ATG7: variants seen among roughly 807,000 people sequenced by gnomAD.
ATG7 encodes the protein autophagy related 7, also known as ubiquitin-like modifier-activating enzyme ATG7.
In ATG7, 70 loss-of-function variants were observed where a neutral mutation model predicts 82.4. That is an observed-to-expected ratio of 0.85 (90% confidence interval 0.70 to 1.04). ATG7 has a LOEUF of 1.04. ATG7 is among the 50% of genes least tolerant of loss of function. The probability of loss-of-function intolerance (pLI) is 0.00; values close to 1 mark genes in which losing one functional copy is unlikely to be tolerated. For missense variants in ATG7, 792 were observed against 864.3 expected (o/e 0.92, Z 1.05); for synonymous variants, 287 against 313.0 (o/e 0.92, Z 0.88).
At chr3:11,513,237 G>A (rs1231846203) in intron 20 of ATG7, among the ~76,000 whole-genome samples, 5 of 152,264 alleles carry the variant, frequency 3.3e-5, no homozygotes, top group African/African-American at 7.2e-5. Context: ...GTCCTGCGCC[G>A]TGCGTCTGCA....
At chr3:11,398,209 CATATAGAATACTGCACCTAACTGAA>C (rs1272373665) in intron 19 of ATG7, among the ~76,000 whole-genome samples, 1 of 151,998 alleles carries the variant, frequency 6.6e-6, no homozygotes, top group Non-Finnish European at 1.5e-5. Flanking sequence ...CTAGTGAATA[CATATAGAATACTGCACCTAACTGAA>C]ATATAGAATA....
At chr3:11,428,945 C>G (rs1448209728) in intron 20 of ATG7, among the ~76,000 whole-genome samples, 5 of 152,084 alleles carry the variant, frequency 3.3e-5, no homozygotes, top group Non-Finnish European at 5.9e-5. Context: ...TTTTCAAAGA[C>G]TTAGAGAAAG....
rs985232491 is a variant in ATG7, at chr3:11,308,894, C to A, written c.334-90C>A. On this transcript the variant is annotated intron_variant, in intron 6 of 20. Coordinates refer to ENST00000693202, the MANE Select transcript of ATG7 (RefSeq NM_001349232.2). ...GTGCTGGGCCTGTAGGAAAGAAGAG[C>A]CTGGTGCTTTTCAGCTCCACACTTC... The A allele has an allele frequency of 5.9e-6, 7 of 1,193,302 alleles. No individual in the cohort carries two copies. The South Asian group carries it at 7.3e-5, about 12-fold the overall frequency. 73.9% of individuals were successfully genotyped at this position (1,193,302 alleles called of 1,614,324 possible).
chr3:11,545,480 C>T (rs945126960), intron 20 of ATG7, among the ~76,000 whole-genome samples: 3 of 152,056 alleles, frequency 2.0e-5, no homozygotes, highest in Admixed American at 6.5e-5. Context: ...AGAGTCTCCA[C>T]GGCCTGCAGC....
intron 20 of ATG7, among the ~76,000 whole-genome samples, chr3:11,530,388 A>G (rs1359582688): frequency 6.6e-6 from 1 of 152,184 alleles, no homozygotes; most frequent in East Asian, 1.9e-4. Context: ...TTAAACAGCC[A>G]GAATGACCTG....
downstream of ATG7, among the ~76,000 whole-genome samples, chr3:11,561,164 G>A (rs2072960868): frequency 2.0e-5 from 3 of 152,126 alleles, no homozygotes; most frequent in South Asian, 6.2e-4. Context: ...TCCCTTTTGT[G>A]CTCAGCCGGC....
In ATG7 at chr3:11,308,986, A is replaced by G. The variant is rs1329214736; in HGVS notation, c.336A>G (p.Ile112Met). The change falls in exon 7 of 21, where the codon ATA becomes ATG. Residue 112 changes from isoleucine (I) to methionine (M), a missense_variant and splice_region_variant. Coordinates refer to ENST00000693202, the MANE Select transcript of ATG7 (RefSeq NM_001349232.2). ...TGATGCTTTTCTTCTTCTTGCAGATATGGGAATCCATAAAATCAGGCACTG... is the reference window on the plus strand; with the variant it reads ...TGATGCTTTTCTTCTTCTTGCAGATGTGGGAATCCATAAAATCAGGCACTG... ...KLLLEQAANE[I>M]WESIKSGTAL... 7 of 1,613,198 alleles carry G rather than the reference A, an allele frequency of 4.3e-6. No homozygotes were observed. Among genetic ancestry groups the G allele is most frequent in the South Asian group, 1.1e-5 (1 of 91,068 alleles).
rs1260264152 is a variant in ATG7 at position 11,435,144 on chromosome 3, C to CT, written c.2079+8223dup. ...GTTTAAAAATATATCAAAGTACTTA[C>CT]TTTTTATACATTTTATAAATATTCT... On this transcript the variant is annotated intron_variant, in intron 20 of 20. Transcript: ENST00000693202. Among the ~76,000 whole-genome samples, 3 of 152,250 alleles carry CT rather than the reference C, an allele frequency of 2.0e-5. No individual in the cohort carries two copies. In the East Asian group the frequency reaches 5.8e-4, roughly 29 times the overall value.
chr3:11,373,059 G>A (rs1575798632), intron 18 of ATG7, among the ~76,000 whole-genome samples: 1 of 151,092 alleles, frequency 6.6e-6, no homozygotes, highest in Admixed American at 6.6e-5. Flanking sequence ...TACAGAAAGA[G>A]TTAACTTTTT....
the ATG7 span, among the ~76,000 whole-genome samples, chr3:11,567,893 G>A: frequency 2.0e-5 from 3 of 152,136 alleles, no homozygotes; most frequent in African/African-American, 7.2e-5. Context: ...ATGCTTCCAC[G>A]GGCCACTTCA....
chr3:11,369,102 T>C (rs997740695), intron 18 of ATG7, among the ~76,000 whole-genome samples: 10 of 150,814 alleles, frequency 6.6e-5, no homozygotes, highest in Non-Finnish European at 1.5e-4. Flanking sequence ...CTCGGGATAT[T>C]TGGCCTTTCT....
intron 19 of ATG7, among the ~76,000 whole-genome samples, chr3:11,406,845 C>T (rs1400566639): frequency 6.6e-6 from 1 of 152,170 alleles, no homozygotes; most frequent in African/African-American, 2.4e-5. Flanking sequence ...TCAATCATCT[C>T]CCACTGGGTC....
intron 20 of ATG7, among the ~76,000 whole-genome samples, chr3:11,515,896 G>A (rs1255377070): frequency 2.6e-5 from 4 of 152,118 alleles, no homozygotes; most frequent in African/African-American, 9.7e-5. Flanking sequence ...AAGCCAGCAT[G>A]AGACACTGCT....
chr3:11,325,841 T>C (rs934936807), intron 9 of ATG7, among the ~76,000 whole-genome samples: 19 of 152,190 alleles, frequency 1.2e-4, no homozygotes, highest in African/African-American at 4.6e-4. Context: ...GAACGGCATT[T>C]TCTAGATTGA....
At chr3:11,435,707 T>G (rs1384765346) in intron 20 of ATG7, among the ~76,000 whole-genome samples, 1 of 152,184 alleles carries the variant, frequency 6.6e-6, no homozygotes, top group Non-Finnish European at 1.5e-5. Context: ...CTTGGGTTAT[T>G]TACTTCATTG....
At chr3:11,352,456 ACAGTCC>A (rs2075632740) in intron 14 of ATG7, among the ~76,000 whole-genome samples, 1 of 152,232 alleles carries the variant, frequency 6.6e-6, no homozygotes. Flanking sequence ...AAACTAGTTT[ACAGTCC>A]CACCAACAGT....
At position 11,437,002 on chromosome 3, in the gene ATG7, G is replaced by A. The variant is rs576532692; in HGVS notation, c.2079+10076G>A. Among the ~76,000 whole-genome samples the A allele has an allele frequency of 3.9e-5, 6 of 152,244 alleles. No homozygotes were observed. The East Asian group carries it at 7.7e-4, about 20-fold the overall frequency. On this transcript the variant is annotated intron_variant, in intron 20 of 20. Coordinates refer to ENST00000693202, the MANE Select transcript of ATG7 (RefSeq NM_001349232.2). ...TAGATAGTGATGATGGTTGCACAAC[G>A]GTGATTATACTAAAACCATTGAATT...
chr3:11,341,786 T>C (rs1367933967), intron 12 of ATG7, among the ~76,000 whole-genome samples: 1 of 152,110 alleles, frequency 6.6e-6, no homozygotes, highest in African/African-American at 2.4e-5. Context: ...TAAGGAGATA[T>C]GGGAGAAATT....
intron 13 of ATG7, 95 bp from the exon 14 acceptor site, chr3:11,347,782 G>T: frequency 7.4e-7 from 1 of 1,351,016 alleles, no homozygotes. Context: ...AGGTTCCCAA[G>T]CTTCTCCAAA....
Sources: gnomAD v4.1 joint callset for allele counts (sites outside exome capture counted in the v4.1 genomes callset) on GRCh38, gnomAD v4.1.1 for gene constraint, MANE v1.5 for transcripts, NCBI Gene and HGNC (gene_info 2026-07-23, HGNC 2026-07-21) for gene names.